Variants in PPP3CA observed in about 807,000 individuals in gnomAD.
PPP3CA encodes the protein protein phosphatase 3 catalytic subunit alpha.
Under a neutral mutation model 66.5 loss-of-function variants are expected in PPP3CA, and 14 were observed. The observed-to-expected ratio is 0.21, with a 90% CI of 0.14 to 0.33. The LOEUF is 0.33. PPP3CA is among the 10% of genes least tolerant of loss of function. The probability of loss-of-function intolerance (pLI) is 1.00; values close to 1 mark genes in which losing one functional copy is unlikely to be tolerated. For synonymous variants in PPP3CA, 232 were observed against 226.2 expected (o/e 1.03, Z -0.23); for missense variants, 317 against 639.5 (o/e 0.50, Z 5.44).
At chr4:101,163,598 C>T (rs4478191) in intron 2 of PPP3CA, among the ~76,000 whole-genome samples, 12,514 of 152,126 alleles carry the variant, frequency 0.082, 989 homozygotes, top group East Asian at 0.27. Flanking sequence ...GTGTGTTCAT[C>T]CTTATTTTTA....
chr4:101,124,585 G>A (rs1722135099), intron 2 of PPP3CA, among the ~76,000 whole-genome samples: 1 of 150,154 alleles, frequency 6.7e-6, no homozygotes, highest in African/African-American at 2.5e-5. Flanking sequence ...CTCCAGCTGG[G>A]GCAACAGAGC....
chr4:101,285,810 C>A (rs1359735467), intron 1 of PPP3CA, among the ~76,000 whole-genome samples: 1 of 152,078 alleles, frequency 6.6e-6, no homozygotes. Flanking sequence ...GTGTGAATCA[C>A]CACAAAGCCG....
intron 10 of PPP3CA, among the ~76,000 whole-genome samples, chr4:101,060,227 A>T (rs2110224377): frequency 6.6e-6 from 1 of 152,120 alleles, no homozygotes; most frequent in South Asian, 2.1e-4. Flanking sequence ...AGCTAGGACC[A>T]CAATCATGCA....
At chr4:101,099,148 G>T (rs750190792) in intron 4 of PPP3CA, among the ~76,000 whole-genome samples, 1 of 152,014 alleles carries the variant, frequency 6.6e-6, no homozygotes. Context: ...GGAGGAAAAA[G>T]AAATTGAAAA....
chr4:101,157,027 C>T (rs1052596908), intron 2 of PPP3CA, among the ~76,000 whole-genome samples: 20 of 152,302 alleles, frequency 1.3e-4, no homozygotes, highest in Middle Eastern at 3.4e-3. Flanking sequence ...TTCAAGTTTT[C>T]CCAAGTGATC....
At chr4:101,227,137 CAT>C (rs1725809993) in intron 1 of PPP3CA, among the ~76,000 whole-genome samples, 5 of 151,502 alleles carry the variant, frequency 3.3e-5, no homozygotes, top group African/African-American at 4.8e-5. Context: ...TACATACATA[CAT>C]ACATACACAT....
At chr4:101,289,865 C>CGTGT (rs1480778164) in intron 1 of PPP3CA, among the ~76,000 whole-genome samples, 1 of 117,960 alleles carries the variant, frequency 8.5e-6, no homozygotes, top group African/African-American at 3.8e-5. Context: ...CCAAAATGTC[C>CGTGT]GTGTATGTGT....
chr4:101,241,431 AAAAG>A (rs1405783011), intron 1 of PPP3CA, among the ~76,000 whole-genome samples: 1 of 152,158 alleles, frequency 6.6e-6, no homozygotes, highest in Non-Finnish European at 1.5e-5. Context: ...CTCTAACGAA[AAAAG>A]AAAGCGCTCA....
chr4:101,032,828 G>A (rs1727045510), intron 11 of PPP3CA, among the ~76,000 whole-genome samples: 1 of 152,144 alleles, frequency 6.6e-6, no homozygotes, highest in Non-Finnish European at 1.5e-5. Context: ...CTGATTTGTG[G>A]ATTAGGGAAT....
Position 101,141,874 on chromosome 4 carries a change from T to C in PPP3CA, c.260-32796A>G, listed in dbSNP as rs145915463. 9.1e-4 allele frequency among the ~76,000 whole-genome samples: 138 copies of C among 152,246 alleles called. 1 individual carries two copies. Among genetic ancestry groups the C allele is most frequent in the African/African-American group, 3.2e-3 (135 of 41,548 alleles). Reference sequence around the variant, plus strand: ...TTAATTGAGTGAACGAATGAATGTATAGGATGGGTGATACAAAGGCTGAAC... The same window carrying C: ...TTAATTGAGTGAACGAATGAATGTACAGGATGGGTGATACAAAGGCTGAAC... On this transcript the variant is annotated intron_variant, in intron 2 of 13. Coordinates refer to ENST00000394854, the MANE Select transcript of PPP3CA (RefSeq NM_000944.5).
At chr4:101,288,268 A>G (rs1461555106) in intron 1 of PPP3CA, among the ~76,000 whole-genome samples, 2 of 152,204 alleles carry the variant, frequency 1.3e-5, no homozygotes, top group African/African-American at 4.8e-5. Flanking sequence ...AAGTGAATGA[A>G]TTGGTGTTGT....
At chr4:101,266,108 A>G (rs1727162952) in intron 1 of PPP3CA, among the ~76,000 whole-genome samples, 1 of 152,112 alleles carries the variant, frequency 6.6e-6, no homozygotes, top group African/African-American at 2.4e-5. Context: ...ACTTAGATAT[A>G]ATAATAATTA....
At chr4:101,083,354 A>T in intron 6 of PPP3CA, 91 bp from the exon 7 acceptor site, 1 of 1,073,396 alleles carries the variant, frequency 9.3e-7, no homozygotes, top group South Asian at 1.4e-5. Flanking sequence ...ATGTGACTGG[A>T]TCAAAGATAA....
chr4:101,037,719 C>G (rs1050533158), intron 11 of PPP3CA, among the ~76,000 whole-genome samples: 1 of 152,030 alleles, frequency 6.6e-6, no homozygotes, highest in Non-Finnish European at 1.5e-5. Context: ...TCTAATCTCA[C>G]GAAAATAATT....
intron 1 of PPP3CA, among the ~76,000 whole-genome samples, chr4:101,248,858 C>A (rs1162550739): frequency 6.6e-6 from 1 of 152,168 alleles, no homozygotes; most frequent in Non-Finnish European, 1.5e-5. Flanking sequence ...TGTTAAACGA[C>A]ACTTTAAAAA....
intron 2 of PPP3CA, among the ~76,000 whole-genome samples, chr4:101,112,885 C>T (rs1401339383): frequency 6.6e-6 from 1 of 152,062 alleles, no homozygotes; most frequent in Non-Finnish European, 1.5e-5. Context: ...TCCGCCATAT[C>T]CCCAGTGCCT....
At chr4:101,093,685 AC>A in intron 6 of PPP3CA, 90 bp downstream of exon 6, 1 of 1,278,348 alleles carries the variant, frequency 7.8e-7, no homozygotes, top group Non-Finnish European at 1.0e-6. Flanking sequence ...AAGAAGTAAT[AC>A]AAACATTATA....
At chr4:101,055,626 G>T (rs1355363085) in intron 10 of PPP3CA, among the ~76,000 whole-genome samples, 2 of 152,090 alleles carry the variant, frequency 1.3e-5, no homozygotes, top group African/African-American at 4.8e-5. Flanking sequence ...TAAGACAGAA[G>T]CTAACGAAGA....
intron 2 of PPP3CA, among the ~76,000 whole-genome samples, chr4:101,188,179 C>T (rs1418022523): frequency 6.6e-6 from 1 of 151,892 alleles, no homozygotes; most frequent in Non-Finnish European, 1.5e-5. Flanking sequence ...TCATAAAATC[C>T]AGAGAAAACT....
Sources: allele counts gnomAD v4.1 joint callset (sites outside exome capture counted in the v4.1 genomes callset), GRCh38; gene constraint gnomAD v4.1.1; transcripts MANE v1.5; gene names NCBI Gene and HGNC (gene_info 2026-07-23, HGNC 2026-07-21).